The following FN1 variants were observed in gnomAD, a reference collection of about 807,000 sequenced individuals.
FN1 encodes fibronectin.
Under a neutral mutation model 297.3 loss-of-function variants are expected in FN1, and 106 were observed. The observed-to-expected ratio is 0.36, with a 90% CI of 0.30 to 0.42. The LOEUF (loss-of-function observed/expected upper bound fraction) is 0.42, where lower values mean the gene tolerates loss of function less well. FN1 is among the 10% of genes least tolerant of loss of function. The pLI is 1.00. For synonymous variants in FN1, 1,149 were observed against 1,152.6 expected, an observed-to-expected ratio of 1.00 and a Z score of 0.06; for missense variants, 2,690 against 3,124.9, an observed-to-expected ratio of 0.86 and a Z score of 3.32.
Position 215,380,965 on chromosome 2 carries a change from A to C in FN1, c.5280T>G (p.Pro1760=), listed in dbSNP as rs1232743332. ...VSRYRVTYSS[P]EDGIHELFPA... ...GGAATAGCTCATGGATTCCATCCTC[A>C]GGGCTCGAGTAGGTCACCCTGTACC... The change falls in exon 33 of 46, where the codon CCT becomes CCG. Residue 1760 remains proline, a synonymous_variant. Transcript: ENST00000354785. 1 of 1,614,098 alleles carries C rather than the reference A, an allele frequency of 6.2e-7. No homozygotes were observed.
intron 4 of FN1, among the ~76,000 whole-genome samples, chr2:215,431,499 C>G (rs2066503576): frequency 6.7e-6 from 1 of 150,150 alleles, no homozygotes; most frequent in Non-Finnish European, 1.5e-5. Context: ...TCCAAAGTGT[C>G]ATTTTTTTTT....
chr2:215,384,204 T>C lies in FN1; in HGVS notation c.4730-20A>G, dbSNP rs779867542. 6.2e-7 allele frequency: 1 copy of C among 1,613,958 alleles called. No individual in the cohort carries two copies. The highest frequency in any genetic ancestry group is 2.2e-5 in the East Asian group (1 of 44,876). On this transcript the variant is annotated intron_variant, in intron 29 of 45. Transcript: ENST00000354785. ...TTCCTCCTGTATGAAAAAGGGTTAG[T>C]TCAGAGTGTGAGGGGTTTAGAGCTA... is the stretch of plus-strand genomic sequence containing the variant.
intron 39 of FN1, 162 bp from the exon 40 acceptor site, chr2:215,372,537 G>T (rs551459975): frequency 3.0e-6 from 2 of 664,092 alleles, no homozygotes; most frequent in South Asian, 1.7e-5. Context: ...TTTCCAGAAA[G>T]AAATCTTTAG....
At position 215,370,427 on chromosome 2, in the gene FN1, C is replaced by T; in HGVS notation, c.6720G>A (p.Arg2240=). Residue 2240 remains arginine (R), a synonymous_variant, in exon 41 of 46, where the codon AGG becomes AGA. Transcript: ENST00000354785. The stretch of plus-strand genomic sequence containing the variant: ...TGGCACTGGTAGAAGTTCCAGGAAC[C>T]CTGAACTGCAATTATCGGTACATCC... The part of the protein sequence containing the change: ...VGTDEEPLQF[R]VPGTSTSATL... The T allele has an allele frequency of 6.2e-7, 1 of 1,613,652 alleles. No homozygotes were observed. The highest frequency in any genetic ancestry group is 8.5e-7 in the Non-Finnish European group (1 of 1,179,884).
intron 13 of FN1, among the ~76,000 whole-genome samples, chr2:215,411,514 C>A (rs1022415915): frequency 2.0e-5 from 3 of 152,092 alleles, no homozygotes; most frequent in African/African-American, 7.2e-5. Context: ...CATTTTTCAA[C>A]ATGAGCTTGT....
chr2:215,393,297 T>A, intron 24 of FN1, 94 bp from the exon 25 acceptor site: 2 of 1,229,130 alleles, frequency 1.6e-6, no homozygotes, highest in Middle Eastern at 2.2e-4. Flanking sequence ...AGGTTACTAG[T>A]AGTAAAATTG....
At chr2:215,399,373 C>T (rs2060709482) in intron 20 of FN1, 22 bp from the exon 21 acceptor site, 3 of 1,526,322 alleles carry the variant, frequency 2.0e-6, no homozygotes, top group South Asian at 1.1e-5. Flanking sequence ...AATCAATGCA[C>T]ATATTCAAAA....
chr2:215,370,524 A>C, intron 40 of FN1, 92 bp from the exon 41 acceptor site: 1 of 1,003,752 alleles, frequency 1.0e-6, no homozygotes, highest in Non-Finnish European at 1.5e-6. Flanking sequence ...CACTGTTTAA[A>C]CAAAGCAAAG....
rs547267792 is a variant in FN1, at chr2:215,400,276, G to A, written c.3254-925C>T. On this transcript the variant is annotated intron_variant, in intron 20 of 45. Transcript: ENST00000354785. Reference sequence around the variant, plus strand: ...TTGCAATAAAAGATGCTATATAAAAGTTAAACAAAATCTGCCACCATGGAT... The same window carrying A: ...TTGCAATAAAAGATGCTATATAAAAATTAAACAAAATCTGCCACCATGGAT... Among the ~76,000 whole-genome samples, 7 of 152,086 alleles carry A rather than the reference G, an allele frequency of 4.6e-5. No homozygotes were observed. In the South Asian group the frequency reaches 1.5e-3, roughly 32 times the overall value.
At chr2:215,387,025 G>A in intron 27 of FN1, 67 bp from the exon 28 acceptor site, 1 of 1,420,772 alleles carries the variant, frequency 7.0e-7, no homozygotes, top group Non-Finnish European at 9.7e-7. Context: ...TAGGAAGTGA[G>A]GAAGGTGTAG....
chr2:215,384,333 G>GT (rs1281244993), intron 29 of FN1, 149 bp from the exon 30 acceptor site: 2 of 731,094 alleles, frequency 2.7e-6, no homozygotes, highest in Non-Finnish European at 2.4e-6. Flanking sequence ...ACAGAAAGGG[G>GT]TATTTATGCA....
intron 44 of FN1, chr2:215,362,318 C>G (rs954314599): frequency 1.9e-5 from 10 of 518,780 alleles, no homozygotes; most frequent in African/African-American, 1.7e-4. Flanking sequence ...CCTGAAATGT[C>G]TCTTCTCTTC....
chr2:215,393,425 G>A, intron 24 of FN1: 2 of 181,332 alleles, frequency 1.1e-5, no homozygotes, highest in Non-Finnish European at 1.9e-5. Context: ...ATTCTTTTAG[G>A]GAATATATAT....
intron 6 of FN1, 44 bp from the exon 7 acceptor site, chr2:215,425,329 G>A (rs1015289617): frequency 1.9e-6 from 3 of 1,564,382 alleles, no homozygotes; most frequent in East Asian, 4.5e-5. Flanking sequence ...GGTGAGAGAA[G>A]ACAATTCACT....
At chr2:215,376,430 A>C in intron 36 of FN1, 68 bp downstream of exon 36, 2 of 1,385,866 alleles carry the variant, frequency 1.4e-6, no homozygotes, top group Non-Finnish European at 2.1e-6. Flanking sequence ...GTCGTAGAAC[A>C]GTTAATAAGC....
At chr2:215,418,277 T>G (rs899220525) in intron 12 of FN1, among the ~76,000 whole-genome samples, 1 of 152,148 alleles carries the variant, frequency 6.6e-6, no homozygotes, top group East Asian at 1.9e-4. Context: ...ACATTAAAGG[T>G]AATCAGCTAC....
At chr2:215,392,158 A>G in intron 25 of FN1, 1 of 304,266 alleles carries the variant, frequency 3.3e-6, no homozygotes, top group Non-Finnish European at 6.3e-6. Context: ...CAGCAAAGAG[A>G]AACATAGCAG....
At chr2:215,397,511 T>C (rs1352811019) in intron 22 of FN1, among the ~76,000 whole-genome samples, 169 bp downstream of exon 22, 3 of 152,204 alleles carry the variant, frequency 2.0e-5, no homozygotes, top group African/African-American at 4.8e-5. Flanking sequence ...ATATAAAGCA[T>C]GAATTGAACC....
chr2:215,375,761 TA>T lies in FN1; in HGVS notation c.5888-44del. ...ATGATTTTTAACAGTTCTTGCTTTTTACTAGGAGAATTCTCAAGCTAGCCTG... is the reference window on the plus strand; with the variant it reads ...ATGATTTTTAACAGTTCTTGCTTTTTCTAGGAGAATTCTCAAGCTAGCCTG... On this transcript the variant is annotated intron_variant, in intron 36 of 45. Transcript: ENST00000354785. 3.8e-6 allele frequency: 5 copies of T among 1,301,158 alleles called. No homozygotes were observed. The Middle Eastern group carries it at 9.2e-4, about 238-fold the overall frequency. The allele number at this position is 1,301,158 out of a possible 1,614,324, so 80.6% of individuals were successfully genotyped here.
Sources: allele counts gnomAD v4.1 joint callset (sites outside exome capture counted in the v4.1 genomes callset), GRCh38; gene constraint gnomAD v4.1.1; transcripts MANE v1.5; gene names NCBI Gene and HGNC (gene_info 2026-07-23, HGNC 2026-07-21).